Variants in ATF7 observed in about 807,000 individuals in gnomAD.
ATF7 encodes the protein activating transcription factor 7.
A neutral mutation model predicts 50.4 loss-of-function variants in ATF7; 10 were observed. The observed-to-expected ratio is 0.20, with a 90% CI of 0.12 to 0.34. The LOEUF is 0.34. Ranked by LOEUF, ATF7 falls within the 10% of genes least tolerant of loss-of-function variation. The pLI is 1.00. For synonymous variants in ATF7, 201 were observed against 226.4 expected, an observed-to-expected ratio of 0.89 and a Z score of 1.01; for missense variants, 465 against 613.9, an observed-to-expected ratio of 0.76 and a Z score of 2.56.
At chr12:53,610,436 G>A (rs1330381202) in intron 1 of ATF7, among the ~76,000 whole-genome samples, 1 of 151,844 alleles carries the variant, frequency 6.6e-6, no homozygotes, top group Non-Finnish European at 1.5e-5. Flanking sequence ...GTCATGGCAG[G>A]CACCTGTAAT....
At chr12:53,570,866 T>C (rs770417101) in intron 2 of ATF7, among the ~76,000 whole-genome samples, 24 of 152,150 alleles carry the variant, frequency 1.6e-4, no homozygotes, top group Admixed American at 4.6e-4. Flanking sequence ...ACTAATGCCA[T>C]CTGCAATGAC....
Position 53,532,606 on chromosome 12 carries a change from G to C in ATF7, c.678C>G (p.Ser226=), listed in dbSNP as rs1399782691. Residue 226 remains serine, a synonymous_variant, in exon 8 of 12, where the codon TCC becomes TCG. Transcript: ENST00000420353. ...GGATACCAGGAATGTTGGGCACCATGGACACAGGTCTGGCCAGCTGGATCG... is the reference window on the plus strand; with the variant it reads ...GGATACCAGGAATGTTGGGCACCATCGACACAGGTCTGGCCAGCTGGATCG... ...PSVISLARPV[S]MVPNIPGIPG... 1 of 1,606,394 alleles carries C rather than the reference G, an allele frequency of 6.2e-7. No homozygotes were observed. Among genetic ancestry groups the C allele is most frequent in the South Asian group, 1.1e-5 (1 of 89,380 alleles).
Position 53,575,187 on chromosome 12 carries a change from C to A in ATF7, c.49-22550G>T, listed in dbSNP as rs543928901. Among the ~76,000 whole-genome samples the A allele has an allele frequency of 1.2e-3, 180 of 151,360 alleles. 1 individual carries two copies. In the South Asian group the frequency reaches 0.014, roughly 12 times the overall value. On this transcript the variant is annotated intron_variant, in intron 2 of 11. Coordinates refer to ENST00000420353, the MANE Select transcript of ATF7 (RefSeq NM_006856.3). ...CTTTGGGAGGCCGAGGCAGGCGGAT[C>A]ACCTGAGGTTGAGAGTTCGAGACCA...
chr12:53,611,546 A>G (rs1476238871), intron 1 of ATF7, among the ~76,000 whole-genome samples: 2 of 152,162 alleles, frequency 1.3e-5, no homozygotes, highest in Non-Finnish European at 2.9e-5. Context: ...TCAGCCTATC[A>G]CCTATTTTTA....
intron 2 of ATF7, among the ~76,000 whole-genome samples, chr12:53,590,631 A>G (rs1942898626): frequency 1.3e-5 from 2 of 152,232 alleles, no homozygotes; most frequent in South Asian, 4.1e-4. Context: ...GACTCCCAAC[A>G]GAGAAGAAGA....
At chr12:53,578,399 A>G (rs1942217046) in intron 2 of ATF7, among the ~76,000 whole-genome samples, 1 of 151,722 alleles carries the variant, frequency 6.6e-6, no homozygotes, top group Admixed American at 6.6e-5. Context: ...TGAAGGAAAA[A>G]TAAAGACTTT....
intron 2 of ATF7, among the ~76,000 whole-genome samples, chr12:53,569,650 G>A (rs1941638302): frequency 6.6e-6 from 1 of 151,910 alleles, no homozygotes; most frequent in Admixed American, 6.6e-5. Context: ...CATGGTGTTT[G>A]GCACATTGTA....
In ATF7 at chr12:53,512,880, T is replaced by G. The variant is rs1944171118; in HGVS notation, c.*4257A>C. On this transcript the variant is annotated 3_prime_UTR_variant, in exon 12 of 12. Coordinates refer to ENST00000420353, the MANE Select transcript of ATF7 (RefSeq NM_006856.3). ...CTAAGAAATGGTTCTCAACCTTTAG[T>G]GTGCATTAGAATCACTTGGAGTGCT... 1.3e-5 allele frequency: 2 copies of G among 152,220 alleles called. No individual in the cohort carries two copies. Among genetic ancestry groups the G allele is most frequent in the Admixed American group, 1.3e-4 (2 of 15,290 alleles). The allele number at this position is 152,220 out of a possible 1,614,324, so 9.4% of individuals were successfully genotyped here.
At chr12:53,559,406 C>A (rs1044433021) in intron 2 of ATF7, among the ~76,000 whole-genome samples, 1 of 151,760 alleles carries the variant, frequency 6.6e-6, no homozygotes, top group Non-Finnish European at 1.5e-5. Flanking sequence ...GGGCTGGGTG[C>A]AGTGGCTCAC....
intron 1 of ATF7, among the ~76,000 whole-genome samples, chr12:53,620,750 A>G (rs1362898236): frequency 6.7e-6 from 1 of 149,850 alleles, no homozygotes; most frequent in Non-Finnish European, 1.5e-5. Flanking sequence ...CTTCGTCTCA[A>G]AAAAAAAAAG....
rs183168230 is a variant in ATF7, at chr12:53,553,278, T to A, written c.49-641A>T. Among the ~76,000 whole-genome samples, 108 of 152,088 alleles carry A rather than the reference T, an allele frequency of 7.1e-4. 1 individual carries two copies. The highest frequency in any genetic ancestry group is 2.4e-3 in the African/African-American group (101 of 41,480). ...CCAGCCCCATCGGCCAAATGCTGTCTCCCCTCATCGGGCAGCCCGCCTGGG... is the reference window on the plus strand; with the variant it reads ...CCAGCCCCATCGGCCAAATGCTGTCACCCCTCATCGGGCAGCCCGCCTGGG... On this transcript the variant is annotated intron_variant, in intron 2 of 11. Transcript: ENST00000420353.
At position 53,513,123 on chromosome 12, in the gene ATF7, C is replaced by T. The variant is rs1048897373; in HGVS notation, c.*4014G>A. On this transcript the variant is annotated 3_prime_UTR_variant, in exon 12 of 12. Coordinates refer to ENST00000420353, the MANE Select transcript of ATF7 (RefSeq NM_006856.3). ...ATTAGCCCCCCATTAAAAAAATAAA[C>T]CCTAGTAGCTATGATACAAACCTAC... The T allele has an allele frequency of 6.6e-6, 1 of 152,148 alleles. No individual in the cohort carries two copies. Among genetic ancestry groups the T allele is most frequent in the African/African-American group, 2.4e-5 (1 of 41,418 alleles). The allele number at this position is 152,148 out of a possible 1,614,324, so 9.4% of individuals were successfully genotyped here.
At chr12:53,576,502 CA>C (rs1282341433) in intron 2 of ATF7, among the ~76,000 whole-genome samples, 1 of 152,088 alleles carries the variant, frequency 6.6e-6, no homozygotes, top group East Asian at 1.9e-4. Context: ...AAGGATTTGG[CA>C]AAAGATTTGG....
intron 2 of ATF7, among the ~76,000 whole-genome samples, chr12:53,598,684 A>C (rs868828141): frequency 1.3e-5 from 2 of 152,102 alleles, no homozygotes; most frequent in Non-Finnish European, 2.9e-5. Context: ...AGTGGATACT[A>C]CTCTTTTCTG....
chr12:53,509,696 G>A (rs1341252415), downstream of ATF7, among the ~76,000 whole-genome samples: 1 of 151,894 alleles, frequency 6.6e-6, no homozygotes, highest in African/African-American at 2.4e-5. Flanking sequence ...AGTAGAGATG[G>A]GGTTTCACCA....
chr12:53,522,439 G>A (rs995988929), intron 11 of ATF7, among the ~76,000 whole-genome samples: 3 of 152,026 alleles, frequency 2.0e-5, no homozygotes, highest in African/African-American at 7.2e-5. Context: ...GGTGCTTGTA[G>A]TCCCAGCTAC....
intron 1 of ATF7, among the ~76,000 whole-genome samples, chr12:53,609,893 T>G (rs565102135): frequency 6.7e-6 from 1 of 149,504 alleles, no homozygotes; most frequent in Non-Finnish European, 1.5e-5. Flanking sequence ...CTTGGCTTAC[T>G]GCAACCTTTG....
intron 2 of ATF7, among the ~76,000 whole-genome samples, chr12:53,560,257 T>C (rs1273356083): frequency 6.6e-6 from 1 of 151,850 alleles, no homozygotes; most frequent in East Asian, 1.9e-4. Context: ...GAGAGACAGG[T>C]ATTATAGTAA....
chr12:53,600,931 A>G (rs1592964904), intron 2 of ATF7, 22 bp downstream of exon 2: 2 of 1,611,540 alleles, frequency 1.2e-6, no homozygotes, highest in African/African-American at 1.3e-5. Flanking sequence ...GACATTCACA[A>G]TAAAGTATAT....
Sources: allele counts gnomAD v4.1 joint callset (sites outside exome capture counted in the v4.1 genomes callset), GRCh38; gene constraint gnomAD v4.1.1; transcripts MANE v1.5; gene names NCBI Gene and HGNC (gene_info 2026-07-23, HGNC 2026-07-21).